Variants in TRAK1 observed in about 807,000 individuals in gnomAD.
The protein encoded by TRAK1 is trafficking kinesin protein 1.
Under a neutral mutation model 92.1 loss-of-function variants are expected in TRAK1, and 33 were observed. That is an observed-to-expected ratio of 0.36 (90% CI 0.27 to 0.48). The LOEUF is 0.48. Among genes scored for constraint, TRAK1 ranks in the 20% least tolerant of loss-of-function variants. The pLI is 0.99. For missense variants in TRAK1, 1,123 were observed against 1,257.9 expected (o/e 0.89, Z 1.62); for synonymous variants, 521 against 517.3 (o/e 1.01, Z -0.10).
intron 15 of TRAK1, among the ~76,000 whole-genome samples, 190 bp downstream of exon 15, chr3:42,219,786 GTTTTTTTTTTTTTTT>G (rs397989334): frequency 5.5e-4 from 35 of 63,498 alleles, no homozygotes; most frequent in Non-Finnish European, 6.7e-4. Context: ...GTTGTTATGT[GTTTTTTTTTTTTTTT>G]TTTTTTTTTT....
intron 15 of TRAK1, 77 bp from the exon 16 acceptor site, chr3:42,222,865 G>T: frequency 2.0e-6 from 3 of 1,516,202 alleles, no homozygotes; most frequent in Non-Finnish European, 2.7e-6. Flanking sequence ...TACCCCCCCT[G>T]CAGGAAACTG....
At chr3:42,030,372 A>ATATATACATAT (rs1553701574) in intron 1 of TRAK1, among the ~76,000 whole-genome samples, 1 of 132,320 alleles carries the variant, frequency 7.6e-6, no homozygotes, top group African/African-American at 2.8e-5. Flanking sequence ...TAAAAAAAAA[A>ATATATACATAT]ATATATATAT....
chr3:42,210,848 C>G, intron 14 of TRAK1: 1 of 982,190 alleles, frequency 1.0e-6, no homozygotes. Flanking sequence ...TGACTCCACC[C>G]ACTGTCCCCA....
intron 1 of TRAK1, among the ~76,000 whole-genome samples, chr3:42,111,070 G>A (rs1247552172): frequency 6.6e-6 from 1 of 152,168 alleles, no homozygotes; most frequent in East Asian, 1.9e-4. Flanking sequence ...CTAGGGAGGT[G>A]GCCCTGAAGA....
At chr3:42,137,833 C>T (rs1698144245) in intron 2 of TRAK1, among the ~76,000 whole-genome samples, 1 of 152,160 alleles carries the variant, frequency 6.6e-6, no homozygotes, top group African/African-American at 2.4e-5. Flanking sequence ...CCATCATCCA[C>T]GGACTAAATA....
At position 42,223,711 on chromosome 3, in the gene TRAK1, C is replaced by T; in HGVS notation, c.2836C>T (p.Leu946Phe). ...CTCGGGCATCTTGATGGGTGCTAAG[C>T]TCTCCAAACAAACTAGCTTACGGTG... ...LTSGILMGAK[L>F]SKQTSLR The change falls in exon 16 of 16, where the codon CTC becomes TTC. Residue 946 changes from leucine (L) to phenylalanine (F), a missense_variant. Physicochemically the swap from Leu to Phe is conservative, Grantham distance 22. Coordinates refer to ENST00000327628, the MANE Select transcript of TRAK1 (RefSeq NM_001042646.3). This position sits in a 1 kb window ranked among gnomAD's most constrained non-coding sequence, Gnocchi z 6.1. 5 of 1,608,108 alleles carry T rather than the reference C, an allele frequency of 3.1e-6. No homozygotes were observed. Among genetic ancestry groups the T allele is most frequent in the Non-Finnish European group, 4.3e-6 (5 of 1,175,062 alleles).
chr3:42,188,965 T>C, intron 5 of TRAK1, 51 bp from the exon 6 acceptor site: 1 of 1,338,966 alleles, frequency 7.5e-7, no homozygotes, highest in Non-Finnish European at 1.1e-6. Flanking sequence ...GTTTGCCAGG[T>C]GGTGGGAGGA....
Position 42,041,785 on chromosome 3 carries a change from G to GTTT in TRAK1, c.-519+27677_-519+27679dup, listed in dbSNP as rs530723218. Among the ~76,000 whole-genome samples, 11 of 133,814 alleles carry GTTT rather than the reference G, an allele frequency of 8.2e-5. 1 individual carries two copies. The highest frequency in any genetic ancestry group is 2.3e-4 in the South Asian group (1 of 4,422). 87.8% of individuals were successfully genotyped at this position (133,814 alleles called of 152,430 possible). On this transcript the variant is annotated intron_variant, in intron 1 of 16. Coordinates refer to the TRAK1 transcript ENST00000487159. ...GAGGAAGTTCCCTTCTATTTCTATT[G>GTTT]TTTTTTTTTTTCTTTTCTTTTCTTT...
intron 1 of TRAK1, among the ~76,000 whole-genome samples, chr3:42,028,779 A>G (rs952956087): frequency 6.6e-6 from 1 of 152,154 alleles, no homozygotes; most frequent in Non-Finnish European, 1.5e-5. Context: ...GGGTATTTTA[A>G]TCTGCATATG....
At chr3:42,046,213 A>T (rs1702742357) in intron 1 of TRAK1, among the ~76,000 whole-genome samples, 3 of 152,198 alleles carry the variant, frequency 2.0e-5, no homozygotes, top group Admixed American at 6.5e-5. Context: ...TGGAAACTTA[A>T]CATGGGTAGC....
intron 15 of TRAK1, among the ~76,000 whole-genome samples, chr3:42,220,076 T>G (rs1020579102): frequency 1.3e-5 from 2 of 152,142 alleles, no homozygotes; most frequent in Admixed American, 6.5e-5. Flanking sequence ...TAAAGTCTGT[T>G]GGATTTTTTG....
intron 1 of TRAK1, among the ~76,000 whole-genome samples, chr3:42,115,500 G>A (rs1709058478): frequency 6.6e-6 from 1 of 152,212 alleles, no homozygotes; most frequent in South Asian, 2.1e-4. Context: ...TGTCACCGGG[G>A]CTGGTGCATG....
chr3:42,152,133 C>G (rs1265207762), intron 2 of TRAK1, among the ~76,000 whole-genome samples: 1 of 152,142 alleles, frequency 6.6e-6, no homozygotes, highest in Non-Finnish European at 1.5e-5. Flanking sequence ...TGTTGAATAA[C>G]TGTATTCCTC....
At chr3:42,122,734 A>G (rs1202594343) in intron 1 of TRAK1, among the ~76,000 whole-genome samples, 1 of 152,082 alleles carries the variant, frequency 6.6e-6, no homozygotes, top group Non-Finnish European at 1.5e-5. Flanking sequence ...CTAGTGGGAG[A>G]TGGGAAGAAA....
intron 1 of TRAK1, among the ~76,000 whole-genome samples, chr3:42,109,952 T>G: frequency 1.3e-5 from 2 of 149,880 alleles, no homozygotes; most frequent in Non-Finnish European, 3.0e-5. Flanking sequence ...GGGCCTGTCA[T>G]GGGGTAGGGG....
chr3:42,109,987 A>G (rs1708115239), intron 1 of TRAK1, among the ~76,000 whole-genome samples: 1 of 150,570 alleles, frequency 6.6e-6, no homozygotes, highest in Admixed American at 6.6e-5. Context: ...GCATTAGGAG[A>G]TATACCTAAT....
rs1227018525 is a variant in TRAK1 at position 42,197,289 on chromosome 3, T to A, written c.1114-1888T>A. The stretch of plus-strand genomic sequence containing the variant: ...GATACCAAATCCTTCAATGCCTAAG[T>A]CTCTGATATAAAAGGGCATAGTGTT... On this transcript the variant is annotated intron_variant, in intron 10 of 15. Transcript: ENST00000327628. Among the ~76,000 whole-genome samples, 5 of 152,254 alleles carry A rather than the reference T, an allele frequency of 3.3e-5. No individual in the cohort carries two copies. In the East Asian group the frequency reaches 9.7e-4, roughly 29 times the overall value.
intron 3 of TRAK1, among the ~76,000 whole-genome samples, chr3:42,178,908 G>T (rs1470137992): frequency 6.6e-6 from 1 of 152,042 alleles, no homozygotes; most frequent in East Asian, 1.9e-4. Context: ...TCTGGAGGTG[G>T]AGATTGCCGT....
intron 3 of TRAK1, among the ~76,000 whole-genome samples, chr3:42,177,735 T>C (rs1703402989): frequency 6.6e-6 from 1 of 152,138 alleles, no homozygotes; most frequent in African/African-American, 2.4e-5. Context: ...CCCAGAGGTT[T>C]TTCTGGAGTG....
Sources: gnomAD v4.1 joint callset for allele counts (sites outside exome capture counted in the v4.1 genomes callset) on GRCh38, gnomAD v4.1.1 for gene constraint, Gnocchi (gnomAD v3.1) non-coding constraint, MANE v1.5 for transcripts, NCBI Gene and HGNC (gene_info 2026-07-23, HGNC 2026-07-21) for gene names.